Variants in EMC3 observed in about 807,000 individuals in gnomAD.
The protein encoded by EMC3 is 30 kDa protein.
In EMC3, 13 loss-of-function variants were observed where a neutral mutation model predicts 36.6. The ratio of observed to expected loss-of-function variants is 0.35; its 90% CI spans 0.23 to 0.56. The LOEUF (loss-of-function observed/expected upper bound fraction) is 0.56. EMC3 is among the 20% of genes least tolerant of loss of function. The pLI, the probability that EMC3 is intolerant of heterozygous loss-of-function variation, is 0.84. For synonymous variants in EMC3, 120 were observed against 111.9 expected, an observed-to-expected ratio of 1.07 and a Z score of -0.46; for missense variants, 220 against 324.5, an observed-to-expected ratio of 0.68 and a Z score of 2.47.
At chr3:9,988,346 AT>A (rs1307731194), upstream of EMC3, 4 of 965,692 alleles carry the variant, frequency 4.1e-6, no homozygotes, top group Non-Finnish European at 3.4e-6. Flanking sequence ...TAGAAGAGTA[AT>A]TTTTTTCCTC....
upstream of EMC3, chr3:9,986,843 C>T: frequency 7.2e-7 from 1 of 1,384,230 alleles, no homozygotes; most frequent in Non-Finnish European, 9.4e-7. Context: ...CTTCCACTTC[C>T]GGCGCGAACG....
intron 1 of EMC3, chr3:10,005,148 T>C (rs1398376772): frequency 6.6e-6 from 1 of 151,780 alleles, no homozygotes; most frequent in African/African-American, 2.4e-5. Flanking sequence ...GGAGGAGAGT[T>C]GCACCACCAG....
At chr3:9,984,995 G>A (rs1276399492) in intron 1 of EMC3, among the ~76,000 whole-genome samples, 5 of 152,186 alleles carry the variant, frequency 3.3e-5, no homozygotes, top group Non-Finnish European at 5.9e-5. Flanking sequence ...ACTTCACATA[G>A]TACCTGATAT....
chr3:9,987,323 C>T (rs567901682), upstream of EMC3: 19 of 985,630 alleles, frequency 1.9e-5, no homozygotes, highest in East Asian at 2.2e-3. Context: ...GCGACCTAAT[C>T]TCTTAAGTCC....
intron 1 of EMC3, among the ~76,000 whole-genome samples, chr3:9,992,677 C>T (rs1031657277): frequency 6.6e-6 from 1 of 152,152 alleles, no homozygotes; most frequent in African/African-American, 2.4e-5. Flanking sequence ...CTAAGAGATA[C>T]CAGTGGTTAA....
chr3:9,979,113 A>G (rs992290929), intron 1 of EMC3, among the ~76,000 whole-genome samples: 40 of 152,238 alleles, frequency 2.6e-4, no homozygotes, highest in African/African-American at 8.9e-4. Context: ...TCCTGAGCTC[A>G]TTATGCTATA....
chr3:9,965,926 T>C (rs1419911769), intron 7 of EMC3, among the ~76,000 whole-genome samples: 1 of 152,224 alleles, frequency 6.6e-6, no homozygotes, highest in African/African-American at 2.4e-5. Context: ...ATGATGGACA[T>C]TTGGGTTATG....
At chr3:9,973,831 G>A (rs2085815820) in intron 4 of EMC3, 122 bp from the exon 5 acceptor site, 1 of 833,610 alleles carries the variant, frequency 1.2e-6, no homozygotes, top group African/African-American at 1.7e-5. Flanking sequence ...ACTTCCACAA[G>A]GAAATCTGTG....
At chr3:9,995,440 A>G (rs1268048617) in intron 1 of EMC3, among the ~76,000 whole-genome samples, 2 of 151,322 alleles carry the variant, frequency 1.3e-5, no homozygotes, top group Admixed American at 1.3e-4. Context: ...TCAAGACGGG[A>G]TGGTCAAGTT....
chr3:9,985,812 T>A (rs1475078818), intron 1 of EMC3, among the ~76,000 whole-genome samples: 5 of 152,152 alleles, frequency 3.3e-5, no homozygotes, highest in African/African-American at 1.2e-4. Flanking sequence ...GAGAATCGCT[T>A]GAACCCGGGA....
At chr3:10,000,856 T>G (rs2086190208) in intron 1 of EMC3, 1 of 486,206 alleles carries the variant, frequency 2.1e-6, no homozygotes, top group African/African-American at 2.0e-5. Context: ...ACCTTGGAGA[T>G]TAGGCCTAGT....
intron 1 of EMC3, among the ~76,000 whole-genome samples, chr3:9,980,933 G>A (rs894451649): frequency 1.3e-4 from 20 of 152,230 alleles, no homozygotes; most frequent in African/African-American, 2.4e-4. Context: ...GGTGGCTCTC[G>A]CCTGTAATCT....
chr3:9,993,739 A>G (rs934504292), intron 1 of EMC3, among the ~76,000 whole-genome samples: 1 of 152,254 alleles, frequency 6.6e-6, no homozygotes, highest in African/African-American at 2.4e-5. Flanking sequence ...TGGGTCCATT[A>G]ATGTCTATAT....
rs984807677 is a variant in EMC3, at chr3:10,006,192, C to CGTCCAAGCTGAGAA, written c.-242+4817_-242+4830dup. ...AAAAACCATCCCAGGAAGCCAGCAT[C>CGTCCAAGCTGAGAA]GTCCAAGCTGAGAAGTCCAAGCTGA... is the stretch of plus-strand genomic sequence containing the variant. On this transcript the variant is annotated intron_variant, in intron 1 of 8. Coordinates refer to the EMC3 transcript ENST00000470827. Among the ~76,000 whole-genome samples, 3 of 152,356 alleles carry CGTCCAAGCTGAGAA rather than the reference C, an allele frequency of 2.0e-5. No individual in the cohort carries two copies. In the South Asian group the frequency reaches 6.2e-4, roughly 32 times the overall value.
intron 1 of EMC3, among the ~76,000 whole-genome samples, chr3:10,010,722 T>C (rs2086315178): frequency 1.3e-5 from 2 of 152,188 alleles, no homozygotes; most frequent in Non-Finnish European, 2.9e-5. Context: ...TGGGAGCCCT[T>C]CACCCCAGGT....
rs758502481 is a variant in EMC3, at chr3:9,963,456, T to TAGATAGATAGATACAG, written c.*612_*613insCTGTATCTATCTATCT. ...AAGACTGGGCTTCTGCTAAGATAGA[T>TAGATAGATAGATACAG]ATATATATATATATATATATATTTT... On this transcript the variant is annotated 3_prime_UTR_variant, in exon 8 of 8. Transcript: ENST00000245046. 3 of 100,772 alleles carry TAGATAGATAGATACAG rather than the reference T, an allele frequency of 3.0e-5. No homozygotes were observed. Among genetic ancestry groups the TAGATAGATAGATACAG allele is most frequent in the Non-Finnish European group, 4.1e-5 (2 of 48,710 alleles). 6.2% of individuals were successfully genotyped at this position (100,772 alleles called of 1,614,324 possible). A position where few individuals can be genotyped will look rare whatever the true frequency, so the allele number is the denominator to read the frequency against.
intron 6 of EMC3, 86 bp from the exon 7 acceptor site, chr3:9,969,887 A>G (rs1303820200): frequency 6.4e-7 from 1 of 1,551,326 alleles, no homozygotes; most frequent in Non-Finnish European, 8.7e-7. Context: ...CACACAGATT[A>G]GAGAACTGGA....
At chr3:9,997,729 G>A (rs1462256742) in intron 1 of EMC3, among the ~76,000 whole-genome samples, 1 of 152,088 alleles carries the variant, frequency 6.6e-6, no homozygotes, top group African/African-American at 2.4e-5. Flanking sequence ...CAAAGTGCTG[G>A]GACTACAGGC....
At chr3:9,978,144 CTAAAAAAAAA>C (rs2085869164) in intron 1 of EMC3, 1 of 49,068 alleles carries the variant, frequency 2.0e-5, no homozygotes, top group Non-Finnish European at 3.7e-5. Flanking sequence ...GACCCTGTCT[CTAAAAAAAAA>C]AAAAAAAAAA....
Sources: allele counts gnomAD v4.1 joint callset (sites outside exome capture counted in the v4.1 genomes callset), GRCh38; gene constraint gnomAD v4.1.1; transcripts MANE v1.5; gene names NCBI Gene and HGNC (gene_info 2026-07-23, HGNC 2026-07-21).